ZNG1E: variants seen among roughly 807,000 people sequenced by gnomAD.
The protein encoded by ZNG1E is zinc-regulated GTPase metalloprotein activator 1E.
At chr9:65,684,276 C>T in the ZNG1E span, among the ~76,000 whole-genome samples, 5 of 151,674 alleles carry the variant, frequency 3.3e-5, no homozygotes, top group Admixed American at 1.3e-4. Context: ...GTGGCTCATG[C>T]CTGTAATCCC....
At chr9:65,728,300 G>A in the ZNG1E span, among the ~76,000 whole-genome samples, 2 of 150,682 alleles carry the variant, frequency 1.3e-5, no homozygotes, top group African/African-American at 4.9e-5. Flanking sequence ...GTTGGAAAGA[G>A]CACAGACAAT....
chr9:65,716,385 T>G, the ZNG1E span, among the ~76,000 whole-genome samples: 1 of 151,664 alleles, frequency 6.6e-6, no homozygotes, highest in Admixed American at 6.6e-5. Flanking sequence ...CTCAAACTCC[T>G]GGGCTCAAGT....
the ZNG1E span, among the ~76,000 whole-genome samples, chr9:65,665,347 G>A: frequency 6.6e-6 from 1 of 152,272 alleles, no homozygotes; most frequent in South Asian, 2.1e-4. Context: ...AATGAAAGGA[G>A]CCAAAGTACA....
the ZNG1E span, among the ~76,000 whole-genome samples, chr9:65,691,517 C>T: frequency 6.6e-6 from 1 of 152,186 alleles, no homozygotes; most frequent in Non-Finnish European, 1.5e-5. Context: ...GATTAAAAAA[C>T]CCCAGACAGT....
At chr9:65,680,787 G>A in the ZNG1E span, among the ~76,000 whole-genome samples, 2 of 152,166 alleles carry the variant, frequency 1.3e-5, no homozygotes, top group African/African-American at 2.4e-5. Flanking sequence ...TTGACTAAAA[G>A]TTTAGGTTTT....
chr9:65,661,853 T>A, the ZNG1E span, among the ~76,000 whole-genome samples: 14 of 152,340 alleles, frequency 9.2e-5, no homozygotes, highest in African/African-American at 3.1e-4. Flanking sequence ...ACTGTATAAA[T>A]GTTATTAAAA....
At chr9:65,663,108 C>T in the ZNG1E span, among the ~76,000 whole-genome samples, 1 of 152,258 alleles carries the variant, frequency 6.6e-6, no homozygotes, top group Non-Finnish European at 1.5e-5. Flanking sequence ...AAATGTTTAT[C>T]AGATGAGTGC....
the ZNG1E span, among the ~76,000 whole-genome samples, chr9:65,671,623 A>G: frequency 2.0e-5 from 3 of 152,236 alleles, no homozygotes; most frequent in Non-Finnish European, 2.9e-5. Context: ...TCTGGCTGAG[A>G]TTGCTTTTTT....
the ZNG1E span, among the ~76,000 whole-genome samples, chr9:65,666,907 A>G: frequency 1.3e-5 from 2 of 152,196 alleles, no homozygotes; most frequent in African/African-American, 2.4e-5. Context: ...TGCAACCTCC[A>G]TCTCCTAGGT....
At chr9:65,666,814 C>A in the ZNG1E span, among the ~76,000 whole-genome samples, 1 of 151,588 alleles carries the variant, frequency 6.6e-6, no homozygotes, top group African/African-American at 2.4e-5. Context: ...CTAACAGTTT[C>A]TTTTTTCTTT....
chr9:65,671,569 C>T, the ZNG1E span, among the ~76,000 whole-genome samples: 1 of 152,324 alleles, frequency 6.6e-6, no homozygotes, highest in East Asian at 1.9e-4. Context: ...ATCCACCCGC[C>T]CTGGCTTTCC....
chr9:65,662,435 A>C, the ZNG1E span, among the ~76,000 whole-genome samples: 3 of 152,252 alleles, frequency 2.0e-5, no homozygotes, highest in African/African-American at 7.2e-5. Flanking sequence ...TAGCGTATCG[A>C]CGCTCATTAC....
the ZNG1E span, among the ~76,000 whole-genome samples, chr9:65,684,799 AG>A: frequency 1.7e-4 from 26 of 152,340 alleles, no homozygotes; most frequent in East Asian, 4.2e-3. Context: ...GCCATACTGC[AG>A]GGATATTGTG....
chr9:65,659,420 A>G, the ZNG1E span, among the ~76,000 whole-genome samples: 1 of 150,610 alleles, frequency 6.6e-6, no homozygotes, highest in Non-Finnish European at 1.5e-5. Context: ...ACTTGAACCC[A>G]GGAGGTGGAG....
At chr9:65,664,017 T>C in the ZNG1E span, among the ~76,000 whole-genome samples, 15 of 152,240 alleles carry the variant, frequency 9.9e-5, no homozygotes, top group Non-Finnish European at 1.5e-4. Context: ...TATATGCCCA[T>C]GCACATACAA....
the ZNG1E span, among the ~76,000 whole-genome samples, chr9:65,689,503 ACTC>A: frequency 7.1e-6 from 1 of 141,196 alleles, no homozygotes; most frequent in Non-Finnish European, 1.5e-5. Context: ...ATTCATCTTT[ACTC>A]CTCCTAAATA....
chr9:65,728,563 A>C, the ZNG1E span, among the ~76,000 whole-genome samples: 3 of 148,764 alleles, frequency 2.0e-5, no homozygotes, highest in South Asian at 6.4e-4. Flanking sequence ...ACAGAAATAC[A>C]AAAGATATTC....
the ZNG1E span, among the ~76,000 whole-genome samples, chr9:65,714,402 A>ACTGCGTTTCTTTGGAGGAGGAGAGGCG: frequency 8.3e-6 from 1 of 120,804 alleles, no homozygotes; most frequent in Admixed American, 8.1e-5. Flanking sequence ...TTGGTGAGGA[A>ACTGCGTTTCTTTGGAGGAGGAGAGGCG]CTGCGTTTCT....
chr9:65,659,004 C>T, the ZNG1E span, among the ~76,000 whole-genome samples: 1 of 152,142 alleles, frequency 6.6e-6, no homozygotes, highest in East Asian at 1.9e-4. Flanking sequence ...TAGGGCTTCA[C>T]TGAGTGAATT....
Sources: allele counts gnomAD v4.1 joint callset (sites outside exome capture counted in the v4.1 genomes callset), GRCh38; gene constraint gnomAD v4.1.1; transcripts MANE v1.5; gene names NCBI Gene and HGNC (gene_info 2026-07-23, HGNC 2026-07-21).